TMC6: variants seen among roughly 807,000 people sequenced by gnomAD.
The protein encoded by TMC6 is transmembrane channel-like protein 6.
TMC6 carries 71 observed loss-of-function variants against 95.4 expected under a neutral mutation model. The observed-to-expected ratio is 0.74, with a 90% confidence interval of 0.61 to 0.91. The LOEUF (loss-of-function observed/expected upper bound fraction) is 0.91, where lower values mean the gene tolerates loss of function less well. Ranked by LOEUF, TMC6 falls within the 40% of genes least tolerant of loss-of-function variation. The pLI is 0.00. For missense variants in TMC6, 1,074 were observed against 1,079.1 expected, an observed-to-expected ratio of 1.00 and a Z score of 0.07; for synonymous variants, 514 against 483.1, an observed-to-expected ratio of 1.06 and a Z score of -0.84.
At chr17:78,117,150 C>T in intron 18 of TMC6, 119 bp downstream of exon 18, 3 of 1,110,340 alleles carry the variant, frequency 2.7e-6, no homozygotes, top group Non-Finnish European at 1.3e-6. Flanking sequence ...ACTTGTTTGG[C>T]AAACAAACCC....
upstream of TMC6, chr17:78,132,419 A>G (rs1391927601): frequency 6.2e-7 from 1 of 1,612,452 alleles, no homozygotes; most frequent in Non-Finnish European, 8.5e-7. Flanking sequence ...CTGCTACTCA[A>G]CCTGCTGAGC....
At position 78,124,097 on chromosome 17, in the gene TMC6, C is replaced by T. The variant is rs778971177; in HGVS notation, c.974G>A (p.Gly325Asp). ...LNQPCGSPLD[G>D]SQCTPRVGGL... is the part of the protein sequence containing the mutation. The stretch of plus-strand genomic sequence containing the variant: ...ACCCACCCTGGGTGTGCACTGGCTG[C>T]CATCCAGGGGGCTGCCACACGGCTG... The change falls in exon 9 of 20, where the codon GGC becomes GAC. Residue 325 changes from glycine to aspartate, a missense_variant. Gly to Asp is a moderately conservative substitution (Grantham distance 94, BLOSUM62 -1). Transcript: ENST00000590602. The T allele has an allele frequency of 6.2e-7, 1 of 1,613,296 alleles. No homozygotes were observed. The highest frequency in any genetic ancestry group is 1.1e-5 in the South Asian group (1 of 91,086).
Position 78,122,803 on chromosome 17 carries a change from A to C in TMC6, c.1083-54T>G. ...ACCAACAAGCTGACGGGCAGAGGCC[A>C]AGGGGAGAAGGCAGACCGGATGCTC... On this transcript the variant is annotated intron_variant, in intron 9 of 19. Transcript: ENST00000590602. This position sits in a 1 kb window ranked among gnomAD's most constrained non-coding sequence, Gnocchi z 4.9. 6.3e-7 allele frequency: 1 copy of C among 1,584,260 alleles called. No individual in the cohort carries two copies. The highest frequency in any genetic ancestry group is 8.5e-7 in the Non-Finnish European group (1 of 1,169,996).
chr17:78,129,117 C>T (rs1047938175), upstream of TMC6, among the ~76,000 whole-genome samples: 28 of 27,540 alleles, frequency 1.0e-3, no homozygotes, highest in African/African-American at 2.1e-3. This position sits in a 1 kb window ranked among gnomAD's most constrained non-coding sequence, Gnocchi z 4.3. Flanking sequence ...TTGGGCAGCG[C>T]CCCCCCCCCC....
chr17:78,118,926 G>C, intron 15 of TMC6, 45 bp downstream of exon 15: 1 of 1,557,140 alleles, frequency 6.4e-7, no homozygotes, highest in Non-Finnish European at 8.7e-7. Context: ...CCCCACTGCC[G>C]GCCACCCTGC....
chr17:78,131,890 G>A (rs1429828163), upstream of TMC6: 1 of 1,460,062 alleles, frequency 6.8e-7, no homozygotes, highest in South Asian at 1.4e-5. Flanking sequence ...AGGCAGCTGC[G>A]GGAGCCCGCG....
intron 4 of TMC6, 179 bp downstream of exon 4, chr17:78,126,098 G>A (rs2074697797): frequency 9.0e-7 from 1 of 1,105,980 alleles, no homozygotes; most frequent in Middle Eastern, 3.0e-4. Context: ...GGCCACATGG[G>A]GCTGTGCTGG....
intron 13 of TMC6, chr17:78,120,019 GA>G: frequency 2.0e-5 from 8 of 390,536 alleles, no homozygotes; most frequent in Admixed American, 6.7e-5. Flanking sequence ...ACACCAAGAG[GA>G]AAAAAACAGC....
At chr17:78,113,427 G>T (rs2073893612) in intron 19 of TMC6, 121 bp downstream of exon 19, 4 of 1,320,336 alleles carry the variant, frequency 3.0e-6, no homozygotes, top group Non-Finnish European at 4.3e-6. Flanking sequence ...ATTTTTGTAG[G>T]TCAAAAGCGG....
chr17:78,118,729 A>G (rs1380799506), intron 15 of TMC6, among the ~76,000 whole-genome samples: 1 of 152,156 alleles, frequency 6.6e-6, no homozygotes, highest in Non-Finnish European at 1.5e-5. Context: ...GGCCAGGTGC[A>G]CACAGGTACC....
chr17:78,131,485 C>A, upstream of TMC6: 1 of 1,470,668 alleles, frequency 6.8e-7, no homozygotes, highest in Non-Finnish European at 9.2e-7. Context: ...CCCAGCCCAG[C>A]GTGCACAGAG....
At chr17:78,113,696 T>G in intron 18 of TMC6, 72 bp from the exon 19 acceptor site, 2 of 1,522,858 alleles carry the variant, frequency 1.3e-6, no homozygotes, top group Non-Finnish European at 1.8e-6. Context: ...TGTTCCAAAC[T>G]GCATTTGAGG....
chr17:78,118,664 C>G (rs1015630482), intron 15 of TMC6, among the ~76,000 whole-genome samples: 2 of 152,242 alleles, frequency 1.3e-5, no homozygotes, highest in African/African-American at 2.4e-5. Flanking sequence ...ATCACTTTTC[C>G]AGGGACCCAG....
chr17:78,125,083 C>T (rs1598869931), intron 6 of TMC6, 75 bp downstream of exon 6: 1 of 1,542,620 alleles, frequency 6.5e-7, no homozygotes, highest in Admixed American at 2.0e-5. Context: ...CCTTCTCCCC[C>T]ACCACCTAGC....
chr17:78,117,373 G>A (rs1274966825), intron 17 of TMC6, 26 bp from the exon 18 acceptor site: 1 of 1,612,726 alleles, frequency 6.2e-7, no homozygotes, highest in East Asian at 2.2e-5. Flanking sequence ...TGTCGGGCAG[G>A]GCCCAGGGCC....
chr17:78,131,079 G>C (rs1302437934), upstream of TMC6: 1 of 191,306 alleles, frequency 5.2e-6, no homozygotes, highest in Non-Finnish European at 1.1e-5. Flanking sequence ...GGCAGATGCC[G>C]AGTCCCAGGA....
chr17:78,120,923 C>A, intron 12 of TMC6, 90 bp downstream of exon 12: 2 of 1,612,106 alleles, frequency 1.2e-6, no homozygotes, highest in South Asian at 1.1e-5. Flanking sequence ...GTCACACCGG[C>A]CTCATCCTAA....
upstream of TMC6, chr17:78,131,619 C>T (rs1222145664): frequency 1.9e-6 from 3 of 1,550,398 alleles, no homozygotes; most frequent in East Asian, 2.4e-5. Flanking sequence ...GTCATCGGAG[C>T]GGGCCCCTGG....
chr17:78,132,175 C>T, upstream of TMC6: 1 of 1,415,900 alleles, frequency 7.1e-7, no homozygotes, highest in South Asian at 1.2e-5. Context: ...CCCTTCCGCC[C>T]GCAGGCACCG....
Sources: gnomAD v4.1 joint callset for allele counts (sites outside exome capture counted in the v4.1 genomes callset) on GRCh38, gnomAD v4.1.1 for gene constraint, Gnocchi (gnomAD v3.1) non-coding constraint, MANE v1.5 for transcripts, NCBI Gene and HGNC (gene_info 2026-07-23, HGNC 2026-07-21) for gene names.